The following SLC6A2 variants were observed in gnomAD, a reference collection of about 807,000 sequenced individuals.
The protein encoded by SLC6A2 is sodium-dependent noradrenaline transporter.
Under a neutral mutation model 71.7 loss-of-function variants are expected in SLC6A2, and 26 were observed. That is an observed-to-expected ratio of 0.36 (90% confidence interval 0.27 to 0.50). The LOEUF is 0.50. SLC6A2 is among the 20% of genes least tolerant of loss of function. SLC6A2 has a pLI of 0.96. For missense variants in SLC6A2, 581 were observed against 803.9 expected, an observed-to-expected ratio of 0.72 and a Z score of 3.35; for synonymous variants, 363 against 337.9, an observed-to-expected ratio of 1.07 and a Z score of -0.82.
chr16:55,695,213 C>A, intron 7 of SLC6A2, 65 bp from the exon 8 acceptor site: 4 of 1,604,892 alleles, frequency 2.5e-6, no homozygotes. Flanking sequence ...TATAGCCAGT[C>A]CAGCAGTCAA....
chr16:55,674,246 A>T (rs1965012233), intron 4 of SLC6A2, among the ~76,000 whole-genome samples: 2 of 151,584 alleles, frequency 1.3e-5, no homozygotes, highest in African/African-American at 4.9e-5. Context: ...GTCCATGTGT[A>T]CTCAATATTT....
intron 4 of SLC6A2, among the ~76,000 whole-genome samples, chr16:55,674,280 G>A (rs28811645): frequency 0.78 from 118,334 of 151,972 alleles, 46,676 homozygotes; most frequent in Non-Finnish European, 0.85. Context: ...AAGTAAGAAC[G>A]TGCAGTATTT....
chr16:55,670,703 A>T (rs1161968644), intron 3 of SLC6A2, among the ~76,000 whole-genome samples: 2 of 152,210 alleles, frequency 1.3e-5, no homozygotes, highest in Non-Finnish European at 2.9e-5. Context: ...CAAGTAAACA[A>T]ACAAAAACCC....
At chr16:55,698,297 A>C (rs1314880639) in intron 10 of SLC6A2, among the ~76,000 whole-genome samples, 172 bp from the exon 11 acceptor site, 1 of 152,168 alleles carries the variant, frequency 6.6e-6, no homozygotes, top group Non-Finnish European at 1.5e-5. Flanking sequence ...TTATTGGCTG[A>C]AACTGAGGTG....
At chr16:55,659,028 G>A (rs954832184) in intron 2 of SLC6A2, among the ~76,000 whole-genome samples, 4 of 152,104 alleles carry the variant, frequency 2.6e-5, no homozygotes, top group Admixed American at 2.0e-4. Context: ...CCGCCATCCC[G>A]CCTGTCCTCA....
chr16:55,698,325 A>G (rs1043292507), intron 10 of SLC6A2, 144 bp from the exon 11 acceptor site: 2 of 734,558 alleles, frequency 2.7e-6, no homozygotes, highest in Admixed American at 4.0e-5. Context: ...CGTCAATACA[A>G]CAGCACCACA....
chr16:55,659,084 C>T (rs1964539901), intron 2 of SLC6A2, among the ~76,000 whole-genome samples: 1 of 152,156 alleles, frequency 6.6e-6, no homozygotes, highest in South Asian at 2.1e-4. Context: ...AAGGCTCTGT[C>T]ATTAATCAGT....
intron 6 of SLC6A2, among the ~76,000 whole-genome samples, chr16:55,693,707 G>C (rs1157388933): frequency 6.6e-6 from 1 of 152,198 alleles, no homozygotes; most frequent in Non-Finnish European, 1.5e-5. Flanking sequence ...CTCTAGCCTA[G>C]AACTTTTCAT....
intron 13 of SLC6A2, among the ~76,000 whole-genome samples, chr16:55,701,517 C>T (rs1434413081): frequency 2.6e-5 from 4 of 152,186 alleles, no homozygotes; most frequent in African/African-American, 7.2e-5. Context: ...GCACTTTCTC[C>T]ATTCTGGGTC....
intron 2 of SLC6A2, among the ~76,000 whole-genome samples, chr16:55,662,100 G>A (rs1237743167): frequency 6.6e-6 from 1 of 152,190 alleles, no homozygotes; most frequent in Admixed American, 6.5e-5. Context: ...CAGAAATGTG[G>A]TGCTCATCTG....
chr16:55,661,248 G>A (rs1177403802), intron 2 of SLC6A2, among the ~76,000 whole-genome samples: 1 of 152,198 alleles, frequency 6.6e-6, no homozygotes, highest in Non-Finnish European at 1.5e-5. Flanking sequence ...GGCTGCTTCT[G>A]TTTGAGTCCT....
At chr16:55,659,141 G>C (rs938312904) in intron 2 of SLC6A2, among the ~76,000 whole-genome samples, 28 of 152,162 alleles carry the variant, frequency 1.8e-4, no homozygotes, top group Admixed American at 1.8e-3. Flanking sequence ...GCTAGGCTCT[G>C]CAGGGGTCAC....
chr16:55,661,108 T>C lies in SLC6A2; in HGVS notation c.274+4140T>C, dbSNP rs190671475. 1.5e-3 allele frequency among the ~76,000 whole-genome samples: 222 copies of C among 152,288 alleles called. 1 individual carries two copies. The highest frequency in any genetic ancestry group is 2.9e-3 in the Admixed American group (44 of 15,302). ...TGAGGAGGCAGTATCAGGCAGTGATTCTAGAGTTTCCCTTTGCACCTGTGA... is the reference window on the plus strand; with the variant it reads ...TGAGGAGGCAGTATCAGGCAGTGATCCTAGAGTTTCCCTTTGCACCTGTGA... On this transcript the variant is annotated intron_variant, in intron 2 of 14. Transcript: ENST00000568943.
rs765086825 is a variant in SLC6A2 at position 55,700,286 on chromosome 16, A to G, written c.1738A>G (p.Thr580Ala). 4.4e-6 allele frequency: 7 copies of G among 1,591,292 alleles called. No individual in the cohort carries two copies. The African/African-American group carries it at 9.5e-5, about 22-fold the overall frequency. The change falls in exon 13 of 15, where the codon ACG becomes GCG. Residue 580 changes from threonine (T) to alanine (A), a missense_variant. Around this residue, in one of 5 missense-constraint regions of SLC6A2, gnomAD observed 334 missense variants for 449.0 expected, o/e 0.74. Transcript: ENST00000568943. ...CTACGTCATCTATAAGTTCCTCAGC[A>G]CGCAGGGCTCTCTTTGGGAGGTGAG... ...PIYVIYKFLS[T>A]QGSLWERLAY...
intron 3 of SLC6A2, among the ~76,000 whole-genome samples, chr16:55,671,148 G>A (rs1052181731): frequency 7.9e-5 from 12 of 152,184 alleles, no homozygotes; most frequent in Non-Finnish European, 1.3e-4. Flanking sequence ...GAGTTAGTGC[G>A]GGAAGTGATC....
chr16:55,676,211 G>T (rs1965081428), intron 4 of SLC6A2, among the ~76,000 whole-genome samples: 1 of 152,184 alleles, frequency 6.6e-6, no homozygotes, highest in Admixed American at 6.5e-5. Flanking sequence ...CCTCCCAGAG[G>T]ATCTGAATCA....
intron 5 of SLC6A2, among the ~76,000 whole-genome samples, chr16:55,686,906 G>A (rs117032449): frequency 6.6e-6 from 1 of 152,262 alleles, no homozygotes; most frequent in East Asian, 1.9e-4. Flanking sequence ...AAGGATGGGT[G>A]GGTATATAAG....
chr16:55,688,352 C>A (rs765129369), intron 5 of SLC6A2, among the ~76,000 whole-genome samples: 7 of 152,192 alleles, frequency 4.6e-5, no homozygotes, highest in Non-Finnish European at 1.0e-4. Context: ...TTATAATGAA[C>A]AGCATCATTC....
chr16:55,656,352 G>A lies in SLC6A2; in HGVS notation c.-52+183G>A, dbSNP rs1964446897. ...GGGTCGGCACGCTGCCCTCAGCCTC[G>A]GTGAGTTCAATCCCAGCCATTTGGG... On this transcript the variant is annotated intron_variant, in intron 1 of 14. Coordinates refer to ENST00000568943, the MANE Select transcript of SLC6A2 (RefSeq NM_001172501.3). This position sits in a 1 kb window ranked among gnomAD's most constrained non-coding sequence, Gnocchi z 4.5. The A allele has an allele frequency of 1.2e-5, 5 of 410,542 alleles. No individual in the cohort carries two copies. The highest frequency in any genetic ancestry group is 1.2e-4 in the South Asian group (5 of 43,272). The allele number at this position is 410,542 out of a possible 1,614,324, so 25.4% of individuals were successfully genotyped here. A position where few individuals can be genotyped will look rare whatever the true frequency, so the allele number is the denominator to read the frequency against.
Sources: allele counts gnomAD v4.1 joint callset (sites outside exome capture counted in the v4.1 genomes callset), GRCh38; gene constraint gnomAD v4.1.1; regional missense constraint gnomAD v4.1.1; non-coding constraint Gnocchi (gnomAD v3.1); transcripts MANE v1.5; gene names NCBI Gene and HGNC (gene_info 2026-07-23, HGNC 2026-07-21).